The following PCDHA4 variants were observed in gnomAD, a reference collection of about 807,000 sequenced individuals.
PCDHA4 encodes the protein protocadherin alpha-4.
In PCDHA4, 49 loss-of-function variants were observed where a neutral mutation model predicts 61.4. The observed-to-expected ratio is 0.80, with a 90% confidence interval of 0.63 to 1.01. PCDHA4 has a LOEUF of 1.01. Ranked by LOEUF, PCDHA4 falls within the 50% of genes least tolerant of loss-of-function variation. The pLI is 0.00. For synonymous variants in PCDHA4, 590 were observed against 550.3 expected (o/e 1.07, Z -1.01); for missense variants, 1,254 against 1,235.8 (o/e 1.01, Z -0.22).
At chr5:140,896,071 A>G (rs551803461) in intron 1 of PCDHA4, among the ~76,000 whole-genome samples, 1 of 152,248 alleles carries the variant, frequency 6.6e-6, no homozygotes, top group African/African-American at 2.4e-5. Context: ...TCGGCCTCCC[A>G]ACATGCTGGG....
chr5:141,002,095 C>G (rs1341792848), intron 3 of PCDHA4, among the ~76,000 whole-genome samples: 1 of 152,234 alleles, frequency 6.6e-6, no homozygotes, highest in Non-Finnish European at 1.5e-5. Flanking sequence ...AGTCCAGGGG[C>G]TGGGCCGGAA....
chr5:140,837,614 C>A (rs188278547), intron 1 of PCDHA4, among the ~76,000 whole-genome samples: 1 of 147,776 alleles, frequency 6.8e-6, no homozygotes, highest in East Asian at 2.0e-4. Flanking sequence ...TTATAATTTG[C>A]CCCTTCCTTC....
At chr5:140,994,759 G>C (rs1193190612) in intron 3 of PCDHA4, among the ~76,000 whole-genome samples, 3 of 152,130 alleles carry the variant, frequency 2.0e-5, no homozygotes, top group African/African-American at 7.2e-5. Flanking sequence ...ATGTGGAGAG[G>C]AAGAGAATTC....
intron 1 of PCDHA4, chr5:140,821,928 A>C (rs2150112074): frequency 2.5e-6 from 4 of 1,614,152 alleles, no homozygotes; most frequent in Non-Finnish European, 2.5e-6. Flanking sequence ...CGCAGGACCT[A>C]GGGCTGGAGC....
At chr5:140,946,575 G>A (rs1554217641) in intron 1 of PCDHA4, among the ~76,000 whole-genome samples, 3 of 140,788 alleles carry the variant, frequency 2.1e-5, no homozygotes, top group Non-Finnish European at 4.6e-5. Flanking sequence ...ATCAACTTAG[G>A]TGTTCATAGT....
At chr5:140,859,880 T>C (rs922706728) in intron 1 of PCDHA4, 1 of 152,036 alleles carries the variant, frequency 6.6e-6, no homozygotes, top group Non-Finnish European at 1.5e-5. Context: ...CCCTCTGATA[T>C]TTTGAAAAAA....
At chr5:140,822,352 C>A in intron 1 of PCDHA4, 1 of 1,614,074 alleles carries the variant, frequency 6.2e-7, no homozygotes, top group Non-Finnish European at 8.5e-7. Context: ...CTTTTTAGAG[C>A]TGGTTTTGAG....
intron 3 of PCDHA4, among the ~76,000 whole-genome samples, chr5:140,987,213 CA>C (rs58319157): frequency 0.029 from 3,412 of 118,662 alleles, 64 homozygotes; most frequent in African/African-American, 0.058. Flanking sequence ...GACTCCATCT[CA>C]AAAAAAAAAA....
At chr5:140,810,923 TTTACA>T (rs782478731) in intron 1 of PCDHA4, 7 of 152,192 alleles carry the variant, frequency 4.6e-5, no homozygotes, top group Non-Finnish European at 8.8e-5. Flanking sequence ...TATTTCATTG[TTTACA>T]TTACATCTAC....
chr5:140,838,117 TGTG>T (rs1554136891), intron 1 of PCDHA4, among the ~76,000 whole-genome samples: 5 of 149,868 alleles, frequency 3.3e-5, no homozygotes, highest in Non-Finnish European at 7.4e-5. Flanking sequence ...TGTGTGTGTG[TGTG>T]TGTGTGTGTG....
intron 1 of PCDHA4, chr5:140,928,231 CA>C: frequency 6.2e-7 from 1 of 1,614,226 alleles, no homozygotes; most frequent in Non-Finnish European, 8.5e-7. Flanking sequence ...AAACTTTCCT[CA>C]ACCCCAGCAG....
At chr5:140,840,106 C>T (rs1776564749) in intron 1 of PCDHA4, among the ~76,000 whole-genome samples, 1 of 151,740 alleles carries the variant, frequency 6.6e-6, no homozygotes, top group South Asian at 2.1e-4. Context: ...TTAGTGAAAT[C>T]GAGTGAAAGC....
intron 1 of PCDHA4, among the ~76,000 whole-genome samples, chr5:140,974,578 C>T (rs1554236214): frequency 6.6e-6 from 1 of 152,170 alleles, no homozygotes; most frequent in Admixed American, 6.5e-5. Flanking sequence ...ATGGCATGAT[C>T]TTGGCTCACT....
In PCDHA4 at chr5:140,836,093, G is replaced by T. The variant is rs1554135604; in HGVS notation, c.2385+26521G>T. ...CGCCGGCACTGCTGGCGCCTCGGGTGGGTGGCACTGGTGGCGCAGTGAGAG... is the reference window on the plus strand; with the variant it reads ...CGCCGGCACTGCTGGCGCCTCGGGTTGGTGGCACTGGTGGCGCAGTGAGAG... On this transcript the variant is annotated intron_variant, in intron 1 of 3. Coordinates refer to ENST00000530339, the MANE Select transcript of PCDHA4 (RefSeq NM_018907.4). 1.9e-6 allele frequency: 3 copies of T among 1,613,720 alleles called. No homozygotes were observed. The South Asian group carries it at 3.3e-5, about 18-fold the overall frequency.
intron 1 of PCDHA4, chr5:140,856,868 A>C: frequency 6.3e-7 from 1 of 1,595,926 alleles, no homozygotes; most frequent in Non-Finnish European, 8.6e-7. Flanking sequence ...AGGAATAAAC[A>C]AGGAAATGAT....
intron 1 of PCDHA4, among the ~76,000 whole-genome samples, chr5:140,940,028 G>C (rs782276273): frequency 3.2e-4 from 48 of 152,048 alleles, no homozygotes; most frequent in Non-Finnish European, 5.4e-4. Context: ...ATGTTTTAAG[G>C]CTATTTTATT....
At chr5:140,827,714 T>G (rs1554130865) in intron 1 of PCDHA4, among the ~76,000 whole-genome samples, 1 of 152,242 alleles carries the variant, frequency 6.6e-6, no homozygotes, top group African/African-American at 2.4e-5. Flanking sequence ...CAAATATTGG[T>G]AGAAAAGTTG....
chr5:140,852,204 A>G lies in PCDHA4; in HGVS notation c.2385+42632A>G, dbSNP rs2150513408. On this transcript the variant is annotated intron_variant, in intron 1 of 3. Transcript: ENST00000530339. The stretch of plus-strand genomic sequence containing the variant: ...ATGAAAATGCCAGTAACGTTTATTT[A>G]AAACAAAATATTTTAATTTTTAAAT... The G allele has an allele frequency of 7.5e-6, 5 of 666,504 alleles. No homozygotes were observed. The African/African-American group carries it at 9.8e-5, about 13-fold the overall frequency. 41.3% of individuals were successfully genotyped at this position (666,504 alleles called of 1,614,324 possible).
At chr5:140,954,832 A>G (rs2095096599) in intron 1 of PCDHA4, among the ~76,000 whole-genome samples, 1 of 152,208 alleles carries the variant, frequency 6.6e-6, no homozygotes, top group Admixed American at 6.5e-5. Flanking sequence ...CACTTTTGTC[A>G]TGAAATCTTT....
Sources: allele counts gnomAD v4.1 joint callset (sites outside exome capture counted in the v4.1 genomes callset), GRCh38; gene constraint gnomAD v4.1.1; transcripts MANE v1.5; gene names NCBI Gene and HGNC (gene_info 2026-07-23, HGNC 2026-07-21).